GRIK4: variants seen among roughly 807,000 people sequenced by gnomAD.
GRIK4 encodes the protein glutamate receptor ionotropic, kainate 4.
A neutral mutation model predicts 104.9 loss-of-function variants in GRIK4; 40 were observed. The observed-to-expected ratio is 0.38, with a 90% CI of 0.30 to 0.50. The LOEUF (loss-of-function observed/expected upper bound fraction) is 0.50, where lower values mean the gene tolerates loss of function less well. GRIK4 is among the 20% of genes least tolerant of loss of function. GRIK4 has a pLI of 0.93. For synonymous variants in GRIK4, 485 were observed against 524.9 expected (o/e 0.92, Z 1.04); for missense variants, 1,047 against 1,308.1 (o/e 0.80, Z 3.08).
intron 3 of GRIK4, among the ~76,000 whole-genome samples, chr11:120,730,762 A>G (rs1035736610): frequency 2.6e-5 from 4 of 151,940 alleles, no homozygotes; most frequent in Non-Finnish European, 5.9e-5. Flanking sequence ...TTTAGTTTTC[A>G]TTGTAGAGGT....
intron 3 of GRIK4, among the ~76,000 whole-genome samples, chr11:120,723,358 A>G (rs1165029456): frequency 6.6e-6 from 1 of 152,196 alleles, no homozygotes; most frequent in Non-Finnish European, 1.5e-5. Context: ...GAGGGTGGAC[A>G]GCTGATCGGC....
intron 3 of GRIK4, among the ~76,000 whole-genome samples, chr11:120,779,868 A>G (rs778044254): frequency 2.6e-5 from 4 of 152,222 alleles, no homozygotes; most frequent in Non-Finnish European, 4.4e-5. Flanking sequence ...ATTGTGATAC[A>G]CTAGACAGAG....
At chr11:120,828,253 A>G (rs1953321070) in intron 6 of GRIK4, among the ~76,000 whole-genome samples, 1 of 152,244 alleles carries the variant, frequency 6.6e-6, no homozygotes, top group Admixed American at 6.5e-5. Context: ...CATACTGTAT[A>G]TTACAAATAT....
intron 11 of GRIK4, among the ~76,000 whole-genome samples, chr11:120,875,790 C>G (rs1015807656): frequency 2.0e-5 from 3 of 152,190 alleles, no homozygotes; most frequent in Non-Finnish European, 2.9e-5. Flanking sequence ...CTCCCCACTC[C>G]TTTGCTCATT....
chr11:120,622,988 T>C (rs1177586873), intron 1 of GRIK4, among the ~76,000 whole-genome samples: 1 of 152,262 alleles, frequency 6.6e-6, no homozygotes, highest in East Asian at 1.9e-4. Flanking sequence ...AGTTAGGTCA[T>C]GTGGGTCGCC....
At chr11:120,958,007 C>T (rs1944203053) in intron 16 of GRIK4, among the ~76,000 whole-genome samples, 2 of 152,238 alleles carry the variant, frequency 1.3e-5, no homozygotes, top group Admixed American at 1.3e-4. Context: ...CCATGGAGAA[C>T]AGGAGCTCAG....
intron 3 of GRIK4, among the ~76,000 whole-genome samples, chr11:120,684,716 C>CTT (rs199982869): frequency 2.3e-4 from 34 of 148,248 alleles, no homozygotes; most frequent in Admixed American, 2.7e-4. Context: ...AATAAAGATG[C>CTT]TTTTTTTTTT....
intron 11 of GRIK4, among the ~76,000 whole-genome samples, chr11:120,891,648 TA>T (rs1222618420): frequency 1.3e-5 from 2 of 152,150 alleles, no homozygotes; most frequent in Admixed American, 6.5e-5. Flanking sequence ...GCTCTAGGGA[TA>T]AAAGGGCAGT....
rs200211032 is a variant in GRIK4, at chr11:120,517,578, T to TCGC, written c.-159+5691_-159+5692insCGC. Among the ~76,000 whole-genome samples the TCGC allele has an allele frequency of 0.012, 1,504 of 129,630 alleles. 150 individuals are homozygous for TCGC. In the South Asian group the frequency reaches 0.18, roughly 16 times the overall value. 85.0% of individuals were successfully genotyped at this position (129,630 alleles called of 152,430 possible). ...GATAGCTGTGCTACGCTGCGGGGTG[T>TCGC]TGGGAGAGAGGACGCAGATGCCTGA... On this transcript the variant is annotated intron_variant, in intron 1 of 20. Coordinates refer to ENST00000527524, the MANE Select transcript of GRIK4 (RefSeq NM_014619.5).
chr11:120,758,771 T>G (rs112759196), intron 3 of GRIK4, among the ~76,000 whole-genome samples: 6 of 152,172 alleles, frequency 3.9e-5, no homozygotes, highest in African/African-American at 1.4e-4. Flanking sequence ...TGGTCTATAG[T>G]GGGCATCTAT....
At chr11:120,639,538 C>G (rs1457845670) in intron 1 of GRIK4, among the ~76,000 whole-genome samples, 1 of 152,218 alleles carries the variant, frequency 6.6e-6, no homozygotes. Context: ...GCCCCTGTCT[C>G]AGTAAGTGAC....
At chr11:120,588,589 C>A (rs1307027090) in intron 1 of GRIK4, among the ~76,000 whole-genome samples, 1 of 152,070 alleles carries the variant, frequency 6.6e-6, no homozygotes, top group Non-Finnish European at 1.5e-5. Context: ...GTGGTGGCTG[C>A]CGGGAGGCAT....
chr11:120,984,534 C>T (rs1427316032), intron 20 of GRIK4, among the ~76,000 whole-genome samples: 2 of 152,000 alleles, frequency 1.3e-5, no homozygotes, highest in Non-Finnish European at 2.9e-5. Flanking sequence ...TTTGGGAGGC[C>T]GAGGCAGGTG....
chr11:120,787,047 A>G (rs76595878), intron 3 of GRIK4, among the ~76,000 whole-genome samples: 1,829 of 152,320 alleles, frequency 0.012, 17 homozygotes, highest in Non-Finnish European at 0.021. Context: ...ACTGGGTACA[A>G]TGGCTCACGC....
At chr11:120,933,389 A>G (rs2134616212) in intron 13 of GRIK4, among the ~76,000 whole-genome samples, 1 of 152,278 alleles carries the variant, frequency 6.6e-6, no homozygotes, top group South Asian at 2.1e-4. Context: ...CTTACTGGCT[A>G]CTTACTTCAA....
At chr11:120,527,449 G>A (rs1174925202) in intron 1 of GRIK4, among the ~76,000 whole-genome samples, 1 of 152,216 alleles carries the variant, frequency 6.6e-6, no homozygotes. Context: ...AGGGAGCATG[G>A]CAATGCTTAT....
intron 20 of GRIK4, 146 bp downstream of exon 20, chr11:120,982,370 A>G (rs1457608150): frequency 1.7e-5 from 11 of 649,974 alleles, no homozygotes; most frequent in Admixed American, 4.9e-5. Flanking sequence ...ATTTGGATCA[A>G]TGCTTCATTA....
chr11:120,726,926 C>T (rs912628172), intron 3 of GRIK4, among the ~76,000 whole-genome samples: 8 of 152,104 alleles, frequency 5.3e-5, no homozygotes, highest in East Asian at 1.9e-4. Flanking sequence ...AACTAGGTGA[C>T]GGGAGTATTT....
chr11:120,543,432 C>T (rs532511762), intron 1 of GRIK4, among the ~76,000 whole-genome samples: 24 of 152,010 alleles, frequency 1.6e-4, no homozygotes, highest in Middle Eastern at 3.4e-3. Context: ...AAAAATTAGC[C>T]GGGGATGGTG....
Sources: allele counts gnomAD v4.1 joint callset (sites outside exome capture counted in the v4.1 genomes callset), GRCh38; gene constraint gnomAD v4.1.1; transcripts MANE v1.5; gene names NCBI Gene and HGNC (gene_info 2026-07-23, HGNC 2026-07-21).